FASTKD2: variants seen among roughly 807,000 people sequenced by gnomAD.
FASTKD2 encodes FAST kinase domains 2.
In FASTKD2, 51 loss-of-function variants were observed where a neutral mutation model predicts 63.6. That is an observed-to-expected ratio of 0.80 (90% CI 0.64 to 1.01). FASTKD2 has a LOEUF of 1.01. FASTKD2 is among the 50% of genes least tolerant of loss of function. The pLI, the probability that FASTKD2 is intolerant of heterozygous loss-of-function variation, is 0.00. For synonymous variants in FASTKD2, 284 were observed against 293.4 expected, an observed-to-expected ratio of 0.97 and a Z score of 0.33; for missense variants, 786 against 831.1, an observed-to-expected ratio of 0.95 and a Z score of 0.67.
At chr2:206,783,942 G>A (rs1690065757) in intron 7 of FASTKD2, among the ~76,000 whole-genome samples, 1 of 152,164 alleles carries the variant, frequency 6.6e-6, no homozygotes, top group South Asian at 2.1e-4. Context: ...CAGGGGTGCC[G>A]CTAACATCCT....
chr2:206,790,882 G>C (rs1050110645), intron 11 of FASTKD2, 196 bp downstream of exon 11: 26 of 565,462 alleles, frequency 4.6e-5, no homozygotes, highest in Non-Finnish European at 4.2e-5. Context: ...GCTGATTACT[G>C]TCATTACTAG....
rs554034514 is a variant in FASTKD2, at chr2:206,771,953, A to C, written c.1050A>C (p.Glu350Asp). ...TTTTGAATAGCCAACACATGTTTGA[A>C]GTACTAGCTGCCATGAATCACCGAT... ...FSVLNSQHMF[E>D]VLAAMNHRSL... The change falls in exon 5 of 12, where the codon GAA becomes GAC. Residue 350 changes from glutamate (E) to aspartate (D), a missense_variant. Glu to Asp is a conservative substitution (Grantham distance 45, BLOSUM62 2). Transcript: ENST00000402774. The C allele has an allele frequency of 3.7e-6, 6 of 1,612,070 alleles. No individual in the cohort carries two copies. In the African/African-American group the frequency reaches 8.0e-5, roughly 21 times the overall value.
intron 7 of FASTKD2, among the ~76,000 whole-genome samples, chr2:206,776,427 A>T (rs2105977416): frequency 6.6e-6 from 1 of 151,882 alleles, no homozygotes; most frequent in South Asian, 2.1e-4. Flanking sequence ...GGTATCATAT[A>T]AAAAAAATCA....
In FASTKD2 at chr2:206,793,599, G is replaced by A. The variant is rs1690357247; in HGVS notation, c.*1797G>A. On this transcript the variant is annotated 3_prime_UTR_variant, in exon 12 of 12. Transcript: ENST00000402774. ...ATATTCTGTTATTAAAGGAACTAAG[G>A]TTTTGTCTTTAAATGTTGAGTGTGC... 2.0e-5 allele frequency among the ~76,000 whole-genome samples: 3 copies of A among 152,166 alleles called. No homozygotes were observed. The highest frequency in any genetic ancestry group is 7.2e-5 in the African/African-American group (3 of 41,440).
At chr2:206,775,138 T>A (rs1368271927) in intron 7 of FASTKD2, among the ~76,000 whole-genome samples, 1 of 152,080 alleles carries the variant, frequency 6.6e-6, no homozygotes, top group Non-Finnish European at 1.5e-5. Flanking sequence ...CTTTATCCAT[T>A]CATCTGCTGA....
Position 206,771,314 on chromosome 2 carries a change from T to G in FASTKD2, c.990+24T>G, listed in dbSNP as rs780122031. 1.1e-5 allele frequency: 15 copies of G among 1,366,540 alleles called. No homozygotes were observed. The South Asian group carries it at 1.6e-4, about 15-fold the overall frequency. The allele number at this position is 1,366,540 out of a possible 1,614,324, so 84.7% of individuals were successfully genotyped here. On this transcript the variant is annotated intron_variant, in intron 4 of 11. Transcript: ENST00000402774. ...AGGTAAACACATGAATTTTCTCTAGTGGATGAGATTTGAAAAAATCTTTCT... is the reference window on the plus strand; with the variant it reads ...AGGTAAACACATGAATTTTCTCTAGGGGATGAGATTTGAAAAAATCTTTCT...
At chr2:206,786,084 T>A (rs1295029840) in intron 7 of FASTKD2, among the ~76,000 whole-genome samples, 2 of 152,250 alleles carry the variant, frequency 1.3e-5, no homozygotes, top group Non-Finnish European at 2.9e-5. Context: ...TATAACTATA[T>A]GTATCATATG....
intron 1 of FASTKD2, among the ~76,000 whole-genome samples, chr2:206,766,259 CAAAAAAAAAAAA>C (rs60933510): frequency 2.0e-4 from 11 of 55,976 alleles, no homozygotes; most frequent in African/African-American, 5.4e-4. Flanking sequence ...GACTTTGTCT[CAAAAAAAAAAAA>C]AAAAAAAAAA....
rs1254495842 is a variant in FASTKD2, at chr2:206,796,022, G to A, written c.*4220G>A. Reference sequence around the variant, plus strand: ...TTCAGCCTTTCCATTCATCTTGTAAGCAGGAGGCTTCTGTGCATGGCCAGA... The same window carrying A: ...TTCAGCCTTTCCATTCATCTTGTAAACAGGAGGCTTCTGTGCATGGCCAGA... On this transcript the variant is annotated 3_prime_UTR_variant, in exon 12 of 12. Transcript: ENST00000402774. 6.6e-6 allele frequency among the ~76,000 whole-genome samples: 1 copy of A among 152,162 alleles called. No individual in the cohort carries two copies. The highest frequency in any genetic ancestry group is 1.5e-5 in the Non-Finnish European group (1 of 68,036).
rs546713855 is a variant in FASTKD2, at chr2:206,770,014, T to A, written c.778-77T>A. 53 of 876,164 alleles carry A rather than the reference T, an allele frequency of 6.0e-5. 2 individuals carry two copies. The Middle Eastern group carries it at 1.5e-3, about 25-fold the overall frequency. The allele number at this position is 876,164 out of a possible 1,614,324, so 54.3% of individuals were successfully genotyped here. On this transcript the variant is annotated intron_variant, in intron 2 of 11. Coordinates refer to ENST00000402774, the MANE Select transcript of FASTKD2 (RefSeq NM_001136193.2). ...TCAATCGTTTTATTCAGTACATCAG[T>A]TCAGTGGTTTTGCTTGGGTAAGATA...
Position 206,791,915 on chromosome 2 carries a change from C to G in FASTKD2, c.*113C>G, listed in dbSNP as rs967376735. The G allele has an allele frequency of 3.3e-6, 3 of 901,888 alleles. No individual in the cohort carries two copies. In the Admixed American group the frequency reaches 6.8e-5, roughly 20 times the overall value. The allele number at this position is 901,888 out of a possible 1,614,324, so 55.9% of individuals were successfully genotyped here. ...TCTGCTAAGACAAAAAATGTTACCT[C>G]AGTTCACTATTAAAATTAATTTTAG... On this transcript the variant is annotated 3_prime_UTR_variant, in exon 12 of 12. Coordinates refer to ENST00000402774, the MANE Select transcript of FASTKD2 (RefSeq NM_001136193.2).
chr2:206,770,194 G>A lies in FASTKD2; in HGVS notation c.881G>A (p.Arg294Lys), dbSNP rs1052705707. ...KNVHVLRTGFRILVDQQVWKI... is the reference protein window; with the variant it reads ...KNVHVLRTGFKILVDQQVWKI... Reference sequence around the variant, plus strand: ...GTTCATGTTCTACGAACGGGATTCAGGTGAGAACTCTCTTATGCTTTCTTC... The same window carrying A: ...GTTCATGTTCTACGAACGGGATTCAAGTGAGAACTCTCTTATGCTTTCTTC... Residue 294 changes from arginine to lysine, a missense_variant and splice_region_variant, in exon 3 of 12, where the codon AGA (arginine) becomes AAA (lysine). Physicochemically the swap from Arg to Lys is conservative, Grantham distance 26. Transcript: ENST00000402774. 8.4e-6 allele frequency: 13 copies of A among 1,555,016 alleles called. No homozygotes were observed. Among genetic ancestry groups the A allele is most frequent in the Non-Finnish European group, 1.1e-5 (12 of 1,126,184 alleles).
In FASTKD2 at chr2:206,766,813, T is replaced by C. The variant is rs748602309; in HGVS notation, c.120T>C (p.Thr40=). 2.5e-6 allele frequency: 4 copies of C among 1,612,744 alleles called. No homozygotes were observed. The highest frequency in any genetic ancestry group is 4.5e-5 in the East Asian group (2 of 44,850). Residue 40 remains threonine, a synonymous_variant, in exon 2 of 12, where the codon ACT becomes ACC. Transcript: ENST00000402774. ...GTACATTAGTTTCAACAAGCAGAAC[T>C]ATGAGGCTATGTTGTTTGGGACTTT... ...QFSTLVSTSR[T]MRLCCLGLCK...
In FASTKD2 at chr2:206,794,044, A is replaced by T. The variant is rs1291182779; in HGVS notation, c.*2242A>T. On this transcript the variant is annotated 3_prime_UTR_variant, in exon 12 of 12. Coordinates refer to ENST00000402774, the MANE Select transcript of FASTKD2 (RefSeq NM_001136193.2). ...GTTTTCTTCTCCCATAATTTAAAAA[A>T]TAGCTTTATTATAGTATAATTGACA... 1.3e-5 allele frequency among the ~76,000 whole-genome samples: 2 copies of T among 152,224 alleles called. No individual in the cohort carries two copies. The highest frequency in any genetic ancestry group is 2.9e-5 in the Non-Finnish European group (2 of 68,048).
chr2:206,769,424 T>G (rs931898258), intron 2 of FASTKD2, among the ~76,000 whole-genome samples: 1 of 152,248 alleles, frequency 6.6e-6, no homozygotes, highest in Non-Finnish European at 1.5e-5. Context: ...GTGATTAAAC[T>G]GTAGAGTACT....
intron 7 of FASTKD2, among the ~76,000 whole-genome samples, chr2:206,777,593 A>G (rs1396880902): frequency 1.3e-5 from 2 of 152,248 alleles, no homozygotes; most frequent in Middle Eastern, 6.8e-3. Context: ...TGTGTTCATC[A>G]GGGATATTGG....
At chr2:206,789,861 AGTT>A (rs1391254194) in intron 10 of FASTKD2, 1 of 152,264 alleles carries the variant, frequency 6.6e-6, no homozygotes, top group Non-Finnish European at 1.5e-5. Context: ...ATAAAATAAC[AGTT>A]GTTCTCAGCA....
Position 206,792,157 on chromosome 2 carries a change from T to C in FASTKD2, c.*355T>C. 1 of 304,044 alleles carries C rather than the reference T, an allele frequency of 3.3e-6. No individual in the cohort carries two copies. The allele number at this position is 304,044 out of a possible 1,614,324, so 18.8% of individuals were successfully genotyped here. The stretch of plus-strand genomic sequence containing the variant: ...GGTAGTAGTCCTTGTCTTTGGAATC[T>C]GAATATTTATACTCCTGCTCTAAGC... On this transcript the variant is annotated 3_prime_UTR_variant, in exon 12 of 12. Transcript: ENST00000402774.
rs1372999110 is a variant in FASTKD2 at position 206,794,352 on chromosome 2, T to C, written c.*2550T>C. Reference sequence around the variant, plus strand: ...TTGATCTTGCTCTAGATACAAGATATAAAATTGTATTCTTGAAATAGCTAC... The same window carrying C: ...TTGATCTTGCTCTAGATACAAGATACAAAATTGTATTCTTGAAATAGCTAC... On this transcript the variant is annotated 3_prime_UTR_variant, in exon 12 of 12. Coordinates refer to ENST00000402774, the MANE Select transcript of FASTKD2 (RefSeq NM_001136193.2). Among the ~76,000 whole-genome samples, 2 of 152,238 alleles carry C rather than the reference T, an allele frequency of 1.3e-5. No homozygotes were observed. Among genetic ancestry groups the C allele is most frequent in the South Asian group, 2.1e-4 (1 of 4,838 alleles).
Sources: gnomAD v4.1 joint callset for allele counts (sites outside exome capture counted in the v4.1 genomes callset) on GRCh38, gnomAD v4.1.1 for gene constraint, MANE v1.5 for transcripts, NCBI Gene and HGNC (gene_info 2026-07-23, HGNC 2026-07-21) for gene names.